Variants in GRID1 observed in about 807,000 individuals in gnomAD.
The protein encoded by GRID1 is glutamate receptor ionotropic, delta-1.
A neutral mutation model predicts 98.0 loss-of-function variants in GRID1; 28 were observed. The observed-to-expected ratio is 0.29, with a 90% CI of 0.21 to 0.39. The LOEUF (loss-of-function observed/expected upper bound fraction) is 0.39. GRID1 is among the 10% of genes least tolerant of loss of function. The pLI, the probability that GRID1 is intolerant of heterozygous loss-of-function variation, is 1.00. For synonymous variants in GRID1, 553 were observed against 538.5 expected (o/e 1.03, Z -0.37); for missense variants, 1,111 against 1,340.5 (o/e 0.83, Z 2.67).
At chr10:85,929,832 A>T (rs2131831798) in intron 4 of GRID1, among the ~76,000 whole-genome samples, 1 of 152,278 alleles carries the variant, frequency 6.6e-6, no homozygotes, top group Admixed American at 6.5e-5. Context: ...TTTCTTAATC[A>T]TATTTAATCA....
rs749990712 is a variant in GRID1 at position 86,206,370 on chromosome 10, C to T, written c.514G>A (p.Glu172Lys). The T allele has an allele frequency of 6.3e-6, 10 of 1,594,896 alleles. No individual in the cohort carries two copies. In the East Asian group the frequency reaches 6.7e-5, roughly 11 times the overall value. ...CGCCTGCCGGACAACTCACCATACT[C>T]GCTGTCGTAGAACATGACGAACTTC... The part of the protein sequence containing the change: ...WQKFVMFYDS[E>K]YDIRGLQSFL... Residue 172 changes from glutamate (E) to lysine (K), a missense_variant, in exon 3 of 16, where the codon GAG becomes AAG. This residue lies in a region of GRID1 where 346 missense variants were observed against 452.3 expected (regional missense o/e 0.76). Transcript: ENST00000327946. This position sits in a 1 kb window ranked among gnomAD's most constrained non-coding sequence, Gnocchi z 4.1.
chr10:86,234,393 G>A (rs536423862), intron 2 of GRID1, among the ~76,000 whole-genome samples: 11 of 152,192 alleles, frequency 7.2e-5, no homozygotes, highest in East Asian at 3.8e-4. Context: ...GCCAAACAAC[G>A]GCATTGGTTT....
intron 8 of GRID1, among the ~76,000 whole-genome samples, chr10:85,807,664 G>A (rs1842635034): frequency 6.6e-6 from 1 of 152,072 alleles, no homozygotes; most frequent in South Asian, 2.1e-4. Context: ...TGCAAAACAT[G>A]ATCAAAATGT....
intron 5 of GRID1, among the ~76,000 whole-genome samples, chr10:85,891,511 A>C (rs758747949): frequency 4.6e-5 from 7 of 152,188 alleles, no homozygotes; most frequent in Non-Finnish European, 1.0e-4. Context: ...CTGTCATGTT[A>C]AACAACTAAA....
chr10:85,686,665 T>C (rs1228176307), intron 12 of GRID1, among the ~76,000 whole-genome samples: 1 of 152,078 alleles, frequency 6.6e-6, no homozygotes, highest in Admixed American at 6.6e-5. Context: ...ATATATTAAA[T>C]ATATTTCTGA....
chr10:85,786,580 G>C (rs143031131), intron 8 of GRID1, among the ~76,000 whole-genome samples: 29 of 152,158 alleles, frequency 1.9e-4, no homozygotes, highest in African/African-American at 6.5e-4. Flanking sequence ...CTTTCTCCCC[G>C]ACATCCCTCC....
intron 2 of GRID1, among the ~76,000 whole-genome samples, chr10:86,331,445 G>A (rs1848141227): frequency 6.6e-6 from 1 of 152,198 alleles, no homozygotes; most frequent in Admixed American, 6.5e-5. Context: ...CAGTATGTGG[G>A]CTTGGTAGCA....
chr10:86,240,127 T>G (rs1257904378), intron 2 of GRID1, among the ~76,000 whole-genome samples: 1 of 152,066 alleles, frequency 6.6e-6, no homozygotes, highest in African/African-American at 2.4e-5. Context: ...AAAATAAATA[T>G]CTGTTTTTGA....
At chr10:85,975,651 C>A (rs1842463116) in intron 4 of GRID1, among the ~76,000 whole-genome samples, 1 of 152,122 alleles carries the variant, frequency 6.6e-6, no homozygotes, top group Non-Finnish European at 1.5e-5. Flanking sequence ...AGAACCCAAA[C>A]TTTTGGAGAC....
At chr10:85,697,624 A>C (rs1841408305) in intron 12 of GRID1, among the ~76,000 whole-genome samples, 1 of 152,142 alleles carries the variant, frequency 6.6e-6, no homozygotes, top group Non-Finnish European at 1.5e-5. Context: ...CATGTAGAGA[A>C]ATTTACACAA....
chr10:85,889,046 A>G (rs1349583986), intron 5 of GRID1, among the ~76,000 whole-genome samples: 1 of 152,220 alleles, frequency 6.6e-6, no homozygotes, highest in Non-Finnish European at 1.5e-5. Flanking sequence ...TGCATCTGAA[A>G]TGTAAACTTC....
intron 8 of GRID1, among the ~76,000 whole-genome samples, chr10:85,787,294 C>T (rs1842438486): frequency 6.6e-6 from 1 of 152,158 alleles, no homozygotes; most frequent in Non-Finnish European, 1.5e-5. Context: ...CTGACATCCT[C>T]ATTGCCTGGA....
At chr10:85,765,719 A>C (rs1414469972) in intron 8 of GRID1, among the ~76,000 whole-genome samples, 1 of 152,240 alleles carries the variant, frequency 6.6e-6, no homozygotes, top group Non-Finnish European at 1.5e-5. Context: ...AGAAAAAATC[A>C]GAAATCCAAA....
At chr10:85,642,684 T>C (rs1164179959) in intron 13 of GRID1, among the ~76,000 whole-genome samples, 1 of 152,214 alleles carries the variant, frequency 6.6e-6, no homozygotes, top group Non-Finnish European at 1.5e-5. Flanking sequence ...AATTCTTTCA[T>C]CTTTGCCTCA....
At chr10:85,980,240 C>A (rs980068393) in intron 4 of GRID1, among the ~76,000 whole-genome samples, 13 of 152,260 alleles carry the variant, frequency 8.5e-5, no homozygotes, top group African/African-American at 3.1e-4. Flanking sequence ...GTGCCACCCA[C>A]AGCCCCTGTT....
intron 8 of GRID1, among the ~76,000 whole-genome samples, chr10:85,745,532 T>C (rs1356205315): frequency 7.8e-6 from 1 of 127,480 alleles, no homozygotes; most frequent in African/African-American, 3.1e-5. Context: ...TGAGATCACA[T>C]GGACACAGGA....
rs191833064 is a variant in GRID1 at position 86,294,905 on chromosome 10, C to A, written c.235+69036G>T. 8.1e-4 allele frequency among the ~76,000 whole-genome samples: 124 copies of A among 152,230 alleles called. 3 individuals carry two copies. The East Asian group carries it at 0.021, about 26-fold the overall frequency. ...GCCCAGCAATGGGACTAGGAAGGTG[C>A]ACCCGCCACAGAGCCAGGAGGAGGG... is the stretch of plus-strand genomic sequence containing the variant. On this transcript the variant is annotated intron_variant, in intron 2 of 15. Transcript: ENST00000327946.
At chr10:86,288,851 C>T (rs1847471557) in intron 2 of GRID1, among the ~76,000 whole-genome samples, 1 of 152,182 alleles carries the variant, frequency 6.6e-6, no homozygotes, top group Non-Finnish European at 1.5e-5. Context: ...GCGCAGGCAC[C>T]AAGACACCCC....
intron 2 of GRID1, among the ~76,000 whole-genome samples, chr10:86,276,053 G>T (rs528890973): frequency 6.6e-6 from 1 of 152,200 alleles, no homozygotes; most frequent in Non-Finnish European, 1.5e-5. Flanking sequence ...TCATGTACAA[G>T]GGATTCCCAA....
Sources: allele counts gnomAD v4.1 joint callset (sites outside exome capture counted in the v4.1 genomes callset), GRCh38; gene constraint gnomAD v4.1.1; regional missense constraint gnomAD v4.1.1; non-coding constraint Gnocchi (gnomAD v3.1); transcripts MANE v1.5; gene names NCBI Gene and HGNC (gene_info 2026-07-23, HGNC 2026-07-21).